Variants in IMMP2L observed in about 807,000 individuals in gnomAD.
IMMP2L encodes mitochondrial inner membrane protease subunit 2.
A neutral mutation model predicts 19.3 loss-of-function variants in IMMP2L; 18 were observed. The ratio of observed to expected loss-of-function variants is 0.93; its 90% CI spans 0.64 to 1.38. The LOEUF is 1.38. IMMP2L is among the 40% of genes most tolerant of loss of function. The probability of loss-of-function intolerance (pLI) is 0.00; values close to 1 mark genes in which losing one functional copy is unlikely to be tolerated. For missense variants in IMMP2L, 233 were observed against 218.2 expected (o/e 1.07, Z -0.43); for synonymous variants, 76 against 73.0 (o/e 1.04, Z -0.21).
At chr7:111,480,145 G>A (rs900241431) in intron 3 of IMMP2L, among the ~76,000 whole-genome samples, 4 of 150,316 alleles carry the variant, frequency 2.7e-5, no homozygotes, top group African/African-American at 7.4e-5. Context: ...GTGCAGTGGC[G>A]CAATCTCGGC....
At chr7:111,510,603 T>TA (rs1271289500) in intron 2 of IMMP2L, among the ~76,000 whole-genome samples, 1 of 152,114 alleles carries the variant, frequency 6.6e-6, no homozygotes, top group Non-Finnish European at 1.5e-5. Context: ...CCAGCCAGCA[T>TA]AACCCTGGAG....
chr7:110,919,944 GA>G (rs554498734), intron 4 of IMMP2L, among the ~76,000 whole-genome samples: 182 of 152,296 alleles, frequency 1.2e-3, no homozygotes, highest in African/African-American at 4.3e-3. Flanking sequence ...CAGAAGTTGT[GA>G]AGACTTGGCT....
intron 3 of IMMP2L, among the ~76,000 whole-genome samples, chr7:111,109,026 A>C (rs1798872470): frequency 6.6e-6 from 1 of 152,208 alleles, no homozygotes; most frequent in African/African-American, 2.4e-5. Flanking sequence ...AATAAACAAA[A>C]AGCAAATAAT....
At chr7:111,239,214 G>C (rs1435459774) in intron 3 of IMMP2L, among the ~76,000 whole-genome samples, 1 of 151,802 alleles carries the variant, frequency 6.6e-6, no homozygotes, top group Non-Finnish European at 1.5e-5. Context: ...CTATCGCTAT[G>C]AGTAACTACT....
intron 5 of IMMP2L, among the ~76,000 whole-genome samples, chr7:110,820,575 C>T (rs1223837154): frequency 6.6e-6 from 1 of 151,892 alleles, no homozygotes; most frequent in East Asian, 1.9e-4. Context: ...CACACACACA[C>T]ACCCACCCAC....
intron 3 of IMMP2L, among the ~76,000 whole-genome samples, chr7:111,148,755 T>C (rs899650359): frequency 5.9e-5 from 9 of 151,880 alleles, no homozygotes; most frequent in African/African-American, 1.9e-4. Flanking sequence ...CGTGTATGTG[T>C]GTGTGTGTGT....
intron 5 of IMMP2L, among the ~76,000 whole-genome samples, chr7:110,875,586 T>C (rs1023302424): frequency 1.3e-5 from 2 of 152,164 alleles, no homozygotes; most frequent in African/African-American, 4.8e-5. Flanking sequence ...AATATAATCA[T>C]GGCTAATTTG....
chr7:110,779,064 T>C (rs1174486363), intron 5 of IMMP2L, among the ~76,000 whole-genome samples: 1 of 151,970 alleles, frequency 6.6e-6, no homozygotes, highest in African/African-American at 2.4e-5. Flanking sequence ...AACGATTTTA[T>C]AAAATTTGAC....
chr7:110,725,699 A>G (rs1795843147), intron 5 of IMMP2L: 1 of 152,194 alleles, frequency 6.6e-6, no homozygotes, highest in Non-Finnish European at 1.5e-5. Context: ...AGCTAACACT[A>G]ACCTTGGTCC....
At chr7:110,973,407 A>G (rs1308305863) in intron 3 of IMMP2L, among the ~76,000 whole-genome samples, 1 of 151,952 alleles carries the variant, frequency 6.6e-6, no homozygotes. Context: ...CCATATCTCA[A>G]CCTGTGATGC....
At chr7:111,528,279 T>A (rs1847070230) in intron 1 of IMMP2L, among the ~76,000 whole-genome samples, 1 of 151,980 alleles carries the variant, frequency 6.6e-6, no homozygotes, top group African/African-American at 2.4e-5. Context: ...TCTGGGAAAA[T>A]TTCATCTAAG....
intron 3 of IMMP2L, among the ~76,000 whole-genome samples, chr7:111,341,879 T>C (rs981468006): frequency 1.3e-5 from 2 of 152,130 alleles, no homozygotes; most frequent in African/African-American, 2.4e-5. Context: ...GGCTGTGTGT[T>C]TGATCTCTCA....
intron 5 of IMMP2L, among the ~76,000 whole-genome samples, chr7:110,740,498 ACCC>A (rs1306703399): frequency 2.0e-5 from 3 of 152,078 alleles, no homozygotes; most frequent in African/African-American, 7.2e-5. Context: ...GAAATATACA[ACCC>A]TCCTAGATTA....
chr7:110,927,823 A>G (rs776205658), intron 4 of IMMP2L, among the ~76,000 whole-genome samples: 5 of 152,162 alleles, frequency 3.3e-5, no homozygotes, highest in Non-Finnish European at 5.9e-5. Context: ...ATAGAAAACT[A>G]TATACCCTTG....
intron 5 of IMMP2L, among the ~76,000 whole-genome samples, chr7:110,794,989 A>C (rs2131173364): frequency 6.6e-6 from 1 of 152,180 alleles, no homozygotes; most frequent in East Asian, 1.9e-4. Flanking sequence ...CTTCTGGCTC[A>C]CTGCTCTTTC....
chr7:111,179,167 C>A, intron 3 of IMMP2L, among the ~76,000 whole-genome samples: 1 of 151,890 alleles, frequency 6.6e-6, no homozygotes, highest in East Asian at 1.9e-4. Flanking sequence ...TCTTAGATGA[C>A]CATGTGCATT....
Position 110,918,793 on chromosome 7 carries a change from A to G in IMMP2L, c.306-32098T>C, listed in dbSNP as rs182305436. On this transcript the variant is annotated intron_variant, in intron 4 of 5. Coordinates refer to ENST00000405709, the MANE Select transcript of IMMP2L (RefSeq NM_032549.4). ...TCATTGTTATATTACTCTTCCTTAC[A>G]TCGCTCTTCTTGTCATTAAAAATAA... Among the ~76,000 whole-genome samples, 323 of 152,212 alleles carry G rather than the reference A, an allele frequency of 2.1e-3. 2 individuals are homozygous for G. Among genetic ancestry groups the G allele is most frequent in the African/African-American group, 7.5e-3 (312 of 41,550 alleles).
At chr7:110,667,850 G>A (rs529658871) in intron 5 of IMMP2L, among the ~76,000 whole-genome samples, 1 of 152,142 alleles carries the variant, frequency 6.6e-6, no homozygotes. Flanking sequence ...GAAACAAAAA[G>A]TATACAAAGA....
intron 3 of IMMP2L, among the ~76,000 whole-genome samples, chr7:111,287,556 A>T (rs1457089053): frequency 1.3e-5 from 2 of 152,140 alleles, no homozygotes; most frequent in African/African-American, 2.4e-5. Context: ...ACCAAAAAAA[A>T]AAAATAAACA....
Sources: allele counts gnomAD v4.1 joint callset (sites outside exome capture counted in the v4.1 genomes callset), GRCh38; gene constraint gnomAD v4.1.1; transcripts MANE v1.5; gene names NCBI Gene and HGNC (gene_info 2026-07-23, HGNC 2026-07-21).